ATP8B1: variants seen among roughly 807,000 people sequenced by gnomAD.
The protein encoded by ATP8B1 is ATPase phospholipid transporting 8B1, also known as phospholipid-transporting ATPase IC.
ATP8B1 carries 80 observed loss-of-function variants against 149.9 expected under a neutral mutation model. The observed-to-expected ratio is 0.53, with a 90% CI of 0.45 to 0.64. The LOEUF (loss-of-function observed/expected upper bound fraction) is 0.64, where lower values mean the gene tolerates loss of function less well. Among genes scored for constraint, ATP8B1 ranks in the 30% least tolerant of loss-of-function variants. The pLI, the probability that ATP8B1 is intolerant of heterozygous loss-of-function variation, is 0.00. For synonymous variants in ATP8B1, 536 were observed against 562.8 expected, an observed-to-expected ratio of 0.95 and a Z score of 0.67; for missense variants, 1,247 against 1,552.6, an observed-to-expected ratio of 0.80 and a Z score of 3.31.
At chr18:57,706,057 C>A (rs956302696) in intron 3 of ATP8B1, among the ~76,000 whole-genome samples, 3 of 152,096 alleles carry the variant, frequency 2.0e-5, no homozygotes, top group African/African-American at 7.2e-5. Flanking sequence ...AATCTTTAAG[C>A]ATTCTTTATC....
rs962290200 is a variant in ATP8B1 at position 57,791,294 on chromosome 18, G to A, written c.-26+11704C>T. The stretch of plus-strand genomic sequence containing the variant: ...TTTCATTTAGCATAATGTCTTCAAA[G>A]TTCATCCATGTAGCATGTATTAAAA... On this transcript the variant is annotated intron_variant, in intron 1 of 27. Coordinates refer to ENST00000648908, the MANE Select transcript of ATP8B1 (RefSeq NM_001374385.1). 4.0e-5 allele frequency among the ~76,000 whole-genome samples: 6 copies of A among 148,920 alleles called. 1 individual carries two copies. In the South Asian group the frequency reaches 1.3e-3, roughly 32 times the overall value.
At chr18:57,744,991 A>G (rs2079951783) in intron 1 of ATP8B1, among the ~76,000 whole-genome samples, 1 of 152,228 alleles carries the variant, frequency 6.6e-6, no homozygotes, top group Non-Finnish European at 1.5e-5. Context: ...ATAAAATGAT[A>G]CAATAAAAGA....
chr18:57,760,991 AT>A (rs1459985916), intron 1 of ATP8B1, among the ~76,000 whole-genome samples: 3 of 63,458 alleles, frequency 4.7e-5, no homozygotes, highest in African/African-American at 1.3e-4. Context: ...TCTGTCTCAA[AT>A]AAAATAAAAT....
chr18:57,771,836 A>G (rs2123375754), intron 1 of ATP8B1, among the ~76,000 whole-genome samples: 1 of 152,340 alleles, frequency 6.6e-6, no homozygotes, highest in African/African-American at 2.4e-5. Context: ...AAAAGGGAAC[A>G]CAGCCTAAGG....
rs1465906345 is a variant in ATP8B1, at chr18:57,652,072, C to A, written c.3362G>T (p.Gly1121Val). Residue 1121 changes from glycine (G) to valine (V), a missense_variant, in exon 26 of 28, where the codon GGA becomes GTA. Physicochemically the swap from Gly to Val is moderately radical, Grantham distance 109. Around this residue, in one of 3 missense-constraint regions of ATP8B1, gnomAD observed 230 missense variants for 356.6 expected, o/e 0.65. Transcript: ENST00000648908. Reference protein sequence around the residue: ...FGIMFDFHSAGIHVLFPSAFQ... With the variant: ...FGIMFDFHSAVIHVLFPSAFQ... ...TGCAGATGGAAAGAGAACATGTATT[C>A]CAGCACTATGAAAGTCAAACATGAT... 6.2e-7 allele frequency: 1 copy of A among 1,613,964 alleles called. No homozygotes were observed. Among genetic ancestry groups the A allele is most frequent in the Non-Finnish European group, 8.5e-7 (1 of 1,179,964 alleles).
At chr18:57,786,072 T>C (rs1245259752) in intron 1 of ATP8B1, among the ~76,000 whole-genome samples, 1 of 152,180 alleles carries the variant, frequency 6.6e-6, no homozygotes, top group Non-Finnish European at 1.5e-5. Flanking sequence ...AAAGGCATGT[T>C]TCTGACTTTA....
intron 1 of ATP8B1, among the ~76,000 whole-genome samples, chr18:57,747,632 G>A (rs1247791709): frequency 1.3e-5 from 2 of 152,074 alleles, no homozygotes; most frequent in African/African-American, 2.4e-5. Flanking sequence ...ATGTTCCAAA[G>A]CTTAAACAGA....
chr18:57,681,874 T>G (rs980614758), intron 15 of ATP8B1, among the ~76,000 whole-genome samples: 2 of 95,082 alleles, frequency 2.1e-5, no homozygotes, highest in African/African-American at 6.9e-5. Context: ...TACTTTATGG[T>G]TAAAAGCCGA....
chr18:57,797,333 C>G (rs1390167479), intron 1 of ATP8B1, among the ~76,000 whole-genome samples: 1 of 152,204 alleles, frequency 6.6e-6, no homozygotes, highest in Admixed American at 6.5e-5. Context: ...TCAATAAAGA[C>G]CAAGCTACTA....
chr18:57,662,198 T>A (rs1910500210), intron 21 of ATP8B1, among the ~76,000 whole-genome samples: 2 of 152,220 alleles, frequency 1.3e-5, no homozygotes, highest in South Asian at 4.1e-4. Context: ...CACATCCAGC[T>A]TATAAAATAT....
At chr18:57,751,316 T>C (rs2123264823) in intron 1 of ATP8B1, among the ~76,000 whole-genome samples, 1 of 151,994 alleles carries the variant, frequency 6.6e-6, no homozygotes, top group African/African-American at 2.4e-5. Context: ...AAACCACAGC[T>C]GTACAAAATA....
Position 57,740,741 on chromosome 18 carries a change from A to C in ATP8B1, c.-25-8909T>G, listed in dbSNP as rs1449413074. The C allele has an allele frequency of 2.0e-5, 3 of 151,474 alleles. No individual in the cohort carries two copies. The East Asian group carries it at 5.8e-4, about 29-fold the overall frequency. The allele number at this position is 151,474 out of a possible 1,614,324, so 9.4% of individuals were successfully genotyped here. On this transcript the variant is annotated intron_variant, in intron 1 of 27. Coordinates refer to ENST00000648908, the MANE Select transcript of ATP8B1 (RefSeq NM_001374385.1). ...AGGTGTGCACCATCACACCCAGCTA[A>C]TTTTTTTGGTTTTTAGTAGAGATGA... is the stretch of plus-strand genomic sequence containing the variant.
chr18:57,741,173 G>A (rs2079910603), intron 1 of ATP8B1, among the ~76,000 whole-genome samples: 1 of 151,388 alleles, frequency 6.6e-6, no homozygotes, highest in African/African-American at 2.4e-5. Flanking sequence ...TCTGATCTTG[G>A]GATCCACCCA....
intron 21 of ATP8B1, 152 bp from the exon 22 acceptor site, chr18:57,661,614 T>C (rs1910410258): frequency 1.5e-6 from 1 of 675,710 alleles, no homozygotes; most frequent in South Asian, 1.9e-5. Context: ...AAAACATGTA[T>C]ATATATGTGT....
At position 57,669,399 on chromosome 18, in the gene ATP8B1, C is replaced by A. The variant is rs1188512256; in HGVS notation, c.2016G>T (p.Lys672Asn). ...TGGAGGCCACACTGGCAGCCATAAA[C>A]TTTTTATTCCATTCTGTAAATTCTT... ...EEKEFTEWNK[K>N]FMAASVASTN... Residue 672 changes from lysine to asparagine, a missense_variant, in exon 18 of 28, where the codon AAG (lysine) becomes AAT (asparagine). Physicochemically the swap from Lys to Asn is moderately conservative, Grantham distance 94 (BLOSUM62 0). Transcript: ENST00000648908. 6.2e-7 allele frequency: 1 copy of A among 1,613,900 alleles called. No homozygotes were observed. Among genetic ancestry groups the A allele is most frequent in the South Asian group, 1.1e-5 (1 of 91,070 alleles).
At chr18:57,653,282 C>CTTTTTTTTT (rs199543849) in intron 24 of ATP8B1, among the ~76,000 whole-genome samples, 14 of 114,458 alleles carry the variant, frequency 1.2e-4, no homozygotes, top group African/African-American at 1.6e-4. Flanking sequence ...CTTTTCTTTT[C>CTTTTTTTTT]TTTTTTTTTT....
chr18:57,655,311 C>A lies in ATP8B1; in HGVS notation c.2814G>T (p.Val938=). 6.2e-7 allele frequency: 1 copy of A among 1,614,142 alleles called. No individual in the cohort carries two copies. The highest frequency in any genetic ancestry group is 8.5e-7 in the Non-Finnish European group (1 of 1,179,954). The change falls in exon 23 of 28, where the codon GTG becomes GTT. Residue 938 remains valine, a synonymous_variant. Transcript: ENST00000648908. ...QFRYLQRLLL[V]HGRWSYIRMC... is the part of the protein sequence containing the mutation. ...TCCTTATGTAAGACCATCGGCCATGCACCAGCAGTAGCCTCTGCAGATATC... is the reference window on the plus strand; with the variant it reads ...TCCTTATGTAAGACCATCGGCCATGAACCAGCAGTAGCCTCTGCAGATATC...
At chr18:57,675,620 A>G (rs1046974479) in intron 15 of ATP8B1, among the ~76,000 whole-genome samples, 1 of 151,838 alleles carries the variant, frequency 6.6e-6, no homozygotes, top group African/African-American at 2.4e-5. Context: ...GCTGCTCTTG[A>G]TCTCCGGGGC....
At chr18:57,761,973 A>G (rs895965906) in intron 1 of ATP8B1, among the ~76,000 whole-genome samples, 2 of 145,500 alleles carry the variant, frequency 1.4e-5, no homozygotes, top group African/African-American at 2.5e-5. Flanking sequence ...AAAAAGGATT[A>G]TTACTGAATA....
Sources: allele counts gnomAD v4.1 joint callset (sites outside exome capture counted in the v4.1 genomes callset), GRCh38; gene constraint gnomAD v4.1.1; regional missense constraint gnomAD v4.1.1; transcripts MANE v1.5; gene names NCBI Gene and HGNC (gene_info 2026-07-23, HGNC 2026-07-21).